Variants in THSD4 observed in about 807,000 individuals in gnomAD.
THSD4 encodes the protein thrombospondin type-1 domain-containing protein 4.
Under a neutral mutation model 119.0 loss-of-function variants are expected in THSD4, and 69 were observed. The ratio of observed to expected loss-of-function variants is 0.58; its 90% confidence interval spans 0.48 to 0.71. The LOEUF is 0.71. Ranked by LOEUF, THSD4 falls within the 30% of genes least tolerant of loss-of-function variation. The pLI, the probability that THSD4 is intolerant of heterozygous loss-of-function variation, is 0.00. For synonymous variants in THSD4, 524 were observed against 540.4 expected (o/e 0.97, Z 0.42); for missense variants, 1,393 against 1,391.1 (o/e 1.00, Z -0.02).
chr15:71,359,517 T>C (rs2045864904), intron 6 of THSD4, among the ~76,000 whole-genome samples: 1 of 152,170 alleles, frequency 6.6e-6, no homozygotes, highest in East Asian at 1.9e-4. Flanking sequence ...GATTGAAATC[T>C]GGGTATGTGG....
intron 7 of THSD4, among the ~76,000 whole-genome samples, chr15:71,416,311 T>G (rs2046759137): frequency 2.5e-5 from 1 of 39,586 alleles, no homozygotes; most frequent in Non-Finnish European, 6.0e-5. Flanking sequence ...CAGATATCTC[T>G]TCGATACACT....
chr15:71,562,901 G>T (rs539675918), intron 7 of THSD4, among the ~76,000 whole-genome samples: 1 of 151,742 alleles, frequency 6.6e-6, no homozygotes, highest in Non-Finnish European at 1.5e-5. Context: ...ACGGGGTTTC[G>T]CCATGTTAGC....
At chr15:71,324,288 T>A (rs2045312847) in intron 6 of THSD4, among the ~76,000 whole-genome samples, 1 of 151,926 alleles carries the variant, frequency 6.6e-6, no homozygotes, top group Admixed American at 6.6e-5. Flanking sequence ...ATTATATGAG[T>A]GTGCAATAAT....
intron 14 of THSD4, among the ~76,000 whole-genome samples, chr15:71,751,313 G>A (rs73432428): frequency 0.028 from 4,335 of 152,174 alleles, 159 homozygotes; most frequent in African/African-American, 0.079. Flanking sequence ...AAAAATGTTG[G>A]CTTTTTTCTG....
At chr15:71,119,746 A>G (rs1331985617) in intron 1 of THSD4, among the ~76,000 whole-genome samples, 5 of 152,218 alleles carry the variant, frequency 3.3e-5, no homozygotes, top group Admixed American at 1.3e-4. Context: ...ATAGGGCTGG[A>G]CAGGCAAAGC....
intron 1 of THSD4, among the ~76,000 whole-genome samples, chr15:71,101,321 G>T (rs1039556563): frequency 6.6e-6 from 1 of 152,088 alleles, no homozygotes; most frequent in Non-Finnish European, 1.5e-5. Flanking sequence ...ACACATAAAT[G>T]ATATAAATAT....
chr15:71,545,274 C>A (rs1473850546), intron 7 of THSD4, among the ~76,000 whole-genome samples: 1 of 152,140 alleles, frequency 6.6e-6, no homozygotes, highest in Non-Finnish European at 1.5e-5. Flanking sequence ...CATTGGTGAC[C>A]TTTCCAGAGC....
chr15:71,774,179 C>T (rs1051858040), intron 17 of THSD4, among the ~76,000 whole-genome samples: 6 of 151,838 alleles, frequency 4.0e-5, no homozygotes, highest in South Asian at 2.1e-4. Flanking sequence ...GGTGTGGTGG[C>T]GCATGCCTAT....
At chr15:71,267,435 CTTGCCTTACA>C (rs1484050756) in intron 6 of THSD4, among the ~76,000 whole-genome samples, 1 of 152,216 alleles carries the variant, frequency 6.6e-6, no homozygotes, top group East Asian at 1.9e-4. Context: ...CATCACCAGG[CTTGCCTTACA>C]AGAGCTCCTG....
At chr15:71,728,887 G>A (rs1267264605) in intron 9 of THSD4, 163 bp downstream of exon 9, 18 of 887,502 alleles carry the variant, frequency 2.0e-5, no homozygotes, top group Non-Finnish European at 3.0e-5. Flanking sequence ...GTTCATCTTT[G>A]CCTTTACTTC....
intron 6 of THSD4, among the ~76,000 whole-genome samples, chr15:71,334,878 G>A (rs2045471647): frequency 6.6e-6 from 1 of 152,198 alleles, no homozygotes; most frequent in Non-Finnish European, 1.5e-5. Context: ...TGGGACAAAG[G>A]GGGAATCCGT....
intron 3 of THSD4, chr15:71,166,955 T>C (rs1445022542): frequency 6.6e-6 from 1 of 152,236 alleles, no homozygotes; most frequent in African/African-American, 2.4e-5. Context: ...TTACTTTATA[T>C]AGAGAACATA....
At chr15:71,320,308 A>G (rs1407736445) in intron 6 of THSD4, among the ~76,000 whole-genome samples, 1 of 152,216 alleles carries the variant, frequency 6.6e-6, no homozygotes, top group Non-Finnish European at 1.5e-5. Flanking sequence ...GGAATGTACT[A>G]AAGACTGCAA....
At chr15:71,613,077 T>C (rs2050259060) in intron 7 of THSD4, among the ~76,000 whole-genome samples, 1 of 152,184 alleles carries the variant, frequency 6.6e-6, no homozygotes, top group African/African-American at 2.4e-5. Context: ...GCAAATGCAT[T>C]TTCATTTGTT....
At chr15:71,630,549 T>C (rs561593626) in intron 7 of THSD4, among the ~76,000 whole-genome samples, 61 of 152,268 alleles carry the variant, frequency 4.0e-4, no homozygotes, top group African/African-American at 1.4e-3. Flanking sequence ...AGTTCCCTTC[T>C]CTGAAGACAG....
At chr15:71,149,390 C>G (rs2040698009) in intron 2 of THSD4, among the ~76,000 whole-genome samples, 1 of 152,082 alleles carries the variant, frequency 6.6e-6, no homozygotes, top group Non-Finnish European at 1.5e-5. Context: ...GGATTACAGG[C>G]ACACACCACC....
At chr15:71,449,355 A>G (rs1253964271) in intron 7 of THSD4, among the ~76,000 whole-genome samples, 1 of 152,164 alleles carries the variant, frequency 6.6e-6, no homozygotes, top group East Asian at 1.9e-4. Context: ...TCTATGTGGC[A>G]TTTCAGACAC....
At chr15:71,492,171 A>T (rs1187954279) in intron 7 of THSD4, among the ~76,000 whole-genome samples, 3 of 151,946 alleles carry the variant, frequency 2.0e-5, no homozygotes, top group Admixed American at 2.0e-4. Flanking sequence ...TCTTTTCTCA[A>T]AACAACAGCA....
intron 7 of THSD4, among the ~76,000 whole-genome samples, chr15:71,498,772 A>T (rs4435212): frequency 0.98 from 149,492 of 152,046 alleles, 73,541 homozygotes; most frequent in East Asian, 1. Flanking sequence ...CATGGCTCAC[A>T]GCAGCCTCAC....
Sources: gnomAD v4.1 joint callset for allele counts (sites outside exome capture counted in the v4.1 genomes callset) on GRCh38, gnomAD v4.1.1 for gene constraint, MANE v1.5 for transcripts, NCBI Gene and HGNC (gene_info 2026-07-23, HGNC 2026-07-21) for gene names.